The following GRIK3 variants were observed in gnomAD, a reference collection of about 807,000 sequenced individuals.
GRIK3 encodes the protein glutamate ionotropic receptor kainate type subunit 3, also known as glutamate receptor ionotropic, kainate 3.
GRIK3 carries 29 observed loss-of-function variants against 102.5 expected under a neutral mutation model. That is an observed-to-expected ratio of 0.28 (90% CI 0.21 to 0.39). The LOEUF is 0.39. Ranked by LOEUF, GRIK3 falls within the 10% of genes least tolerant of loss-of-function variation. GRIK3 has a pLI of 1.00. For synonymous variants in GRIK3, 511 were observed against 504.9 expected, an observed-to-expected ratio of 1.01 and a Z score of -0.16; for missense variants, 908 against 1,252.4, an observed-to-expected ratio of 0.73 and a Z score of 4.15.
intron 1 of GRIK3, among the ~76,000 whole-genome samples, chr1:36,976,828 G>A (rs1642201106): frequency 6.6e-6 from 1 of 152,144 alleles, no homozygotes; most frequent in South Asian, 2.1e-4. Context: ...TCAGGGGTTA[G>A]GGTGGGCTGA....
chr1:37,007,454 G>A (rs1348612377), intron 1 of GRIK3, among the ~76,000 whole-genome samples: 3 of 152,188 alleles, frequency 2.0e-5, no homozygotes, highest in Non-Finnish European at 4.4e-5. Flanking sequence ...CCTGCTAGAG[G>A]AGGTGGGATC....
At position 36,850,285 on chromosome 1, in the gene GRIK3, T is replaced by C. The variant is rs1375584704; in HGVS notation, c.1326+26A>G. On this transcript the variant is annotated intron_variant, in intron 9 of 15. Transcript: ENST00000373091. The surrounding 1 kb of genome is among the most constrained non-coding windows in gnomAD (Gnocchi z 4.0). ...ACCCCACCCCCAGGTCGGACAGTCCTTCCTGCAGGGGCTGCAGGCTCTTAC... is the reference window on the plus strand; with the variant it reads ...ACCCCACCCCCAGGTCGGACAGTCCCTCCTGCAGGGGCTGCAGGCTCTTAC... 6.9e-7 allele frequency: 1 copy of C among 1,452,214 alleles called. No individual in the cohort carries two copies. Among genetic ancestry groups the C allele is most frequent in the East Asian group, 2.3e-5 (1 of 44,148 alleles). 90.0% of individuals were successfully genotyped at this position (1,452,214 alleles called of 1,614,324 possible).
intron 5 of GRIK3, among the ~76,000 whole-genome samples, chr1:36,861,539 G>A (rs891879995): frequency 2.6e-5 from 4 of 152,164 alleles, no homozygotes; most frequent in African/African-American, 9.7e-5. Context: ...CATCACAGCC[G>A]CAGCTTTAGT....
intron 1 of GRIK3, among the ~76,000 whole-genome samples, chr1:36,969,971 A>G (rs1181081007): frequency 2.6e-5 from 4 of 152,256 alleles, no homozygotes; most frequent in Non-Finnish European, 5.9e-5. Context: ...GAAAAAATAT[A>G]TAACATCAGT....
At chr1:36,840,888 C>T (rs1037267733) in intron 10 of GRIK3, among the ~76,000 whole-genome samples, 8 of 152,192 alleles carry the variant, frequency 5.3e-5, no homozygotes, top group Non-Finnish European at 1.0e-4. Context: ...TTACCAGGGA[C>T]CCTCTTACTG....
chr1:36,986,866 T>C (rs972054445), intron 1 of GRIK3, among the ~76,000 whole-genome samples: 3 of 152,182 alleles, frequency 2.0e-5, no homozygotes, highest in Admixed American at 6.5e-5. Flanking sequence ...ATTAATAACT[T>C]TGGGGTCAAA....
rs2124371396 is a variant in GRIK3 at position 36,986,620 on chromosome 1, G to A, written c.115+47374C>T. Among the ~76,000 whole-genome samples the A allele has an allele frequency of 2.0e-5, 3 of 152,348 alleles. No homozygotes were observed. In the South Asian group the frequency reaches 6.2e-4, roughly 32 times the overall value. ...TCAAGGAGCTCCCAGCCTGATCAGA[G>A]AGATATGAAGGAAGAGAAGTGACAA... On this transcript the variant is annotated intron_variant, in intron 1 of 15. Coordinates refer to ENST00000373091, the MANE Select transcript of GRIK3 (RefSeq NM_000831.4).
intron 1 of GRIK3, among the ~76,000 whole-genome samples, chr1:37,002,110 A>G (rs1429293040): frequency 6.6e-6 from 1 of 152,248 alleles, no homozygotes; most frequent in African/African-American, 2.4e-5. Flanking sequence ...CCCCTGCAGA[A>G]GAGAAAGAAA....
chr1:36,856,726 C>G (rs993599567), intron 7 of GRIK3, among the ~76,000 whole-genome samples: 2 of 152,108 alleles, frequency 1.3e-5, no homozygotes, highest in African/African-American at 4.8e-5. Context: ...GAGGGTCACT[C>G]GTTGGGCCTG....
chr1:36,949,058 C>T (rs919496947), intron 1 of GRIK3, among the ~76,000 whole-genome samples: 1 of 152,130 alleles, frequency 6.6e-6, no homozygotes, highest in African/African-American at 2.4e-5. Flanking sequence ...CTGAAACAGG[C>T]CCCAGGGTGA....
chr1:36,947,833 G>A (rs1195303840), intron 1 of GRIK3, among the ~76,000 whole-genome samples: 1 of 152,044 alleles, frequency 6.6e-6, no homozygotes, highest in East Asian at 1.9e-4. Flanking sequence ...CCTGATACTT[G>A]TTGAATGAGA....
At chr1:37,032,568 A>G (rs534058009) in intron 1 of GRIK3, among the ~76,000 whole-genome samples, 8 of 152,190 alleles carry the variant, frequency 5.3e-5, no homozygotes, top group African/African-American at 1.9e-4. Context: ...GATAGAAGAC[A>G]TTTCGGTTGT....
intron 1 of GRIK3, among the ~76,000 whole-genome samples, chr1:36,960,674 C>T (rs1331123103): frequency 6.6e-6 from 1 of 152,214 alleles, no homozygotes; most frequent in African/African-American, 2.4e-5. Flanking sequence ...AAGGCCAGTC[C>T]AATCAGCACC....
At chr1:36,924,363 T>A (rs1641505102) in intron 1 of GRIK3, among the ~76,000 whole-genome samples, 1 of 152,176 alleles carries the variant, frequency 6.6e-6, no homozygotes, top group Admixed American at 6.5e-5. Flanking sequence ...CTGTGCAATT[T>A]TGGCATCCTC....
chr1:36,883,237 C>A (rs537220780), intron 2 of GRIK3, among the ~76,000 whole-genome samples: 20 of 152,326 alleles, frequency 1.3e-4, no homozygotes, highest in African/African-American at 4.8e-4. Context: ...GAAACACGTC[C>A]TTTTCTCTTA....
intron 10 of GRIK3, among the ~76,000 whole-genome samples, chr1:36,840,823 C>T (rs1272211831): frequency 6.6e-6 from 1 of 152,212 alleles, no homozygotes; most frequent in Non-Finnish European, 1.5e-5. Context: ...GAACCCAGAC[C>T]TGCTGGGCCA....
chr1:36,966,384 A>G (rs992927248), intron 1 of GRIK3, among the ~76,000 whole-genome samples: 2 of 152,224 alleles, frequency 1.3e-5, no homozygotes, highest in African/African-American at 4.8e-5. Context: ...TTGGACGTTC[A>G]TCAGAGCAGT....
At chr1:36,951,958 G>A (rs529856782) in intron 1 of GRIK3, among the ~76,000 whole-genome samples, 1 of 152,120 alleles carries the variant, frequency 6.6e-6, no homozygotes, top group South Asian at 2.1e-4. Context: ...GGTGGGTTCT[G>A]TCTTGTGGGG....
At chr1:36,976,898 T>C (rs1192766259) in intron 1 of GRIK3, among the ~76,000 whole-genome samples, 1 of 152,166 alleles carries the variant, frequency 6.6e-6, no homozygotes, top group Non-Finnish European at 1.5e-5. Context: ...AAAAGGCTTC[T>C]AGACACAGGA....
Sources: gnomAD v4.1 joint callset for allele counts (sites outside exome capture counted in the v4.1 genomes callset) on GRCh38, gnomAD v4.1.1 for gene constraint, Gnocchi (gnomAD v3.1) non-coding constraint, MANE v1.5 for transcripts, NCBI Gene and HGNC (gene_info 2026-07-23, HGNC 2026-07-21) for gene names.